Variants in EYA2 observed in about 807,000 individuals in gnomAD.
The protein encoded by EYA2 is EYA transcriptional coactivator and phosphatase 2, also known as protein phosphatase EYA2.
Under a neutral mutation model 69.2 loss-of-function variants are expected in EYA2, and 31 were observed. That is an observed-to-expected ratio of 0.45 (90% confidence interval 0.34 to 0.60). EYA2 has a LOEUF of 0.60. EYA2 is among the 20% of genes least tolerant of loss of function. EYA2 has a pLI of 0.02. For missense variants in EYA2, 622 were observed against 701.2 expected, an observed-to-expected ratio of 0.89 and a Z score of 1.28; for synonymous variants, 257 against 279.4, an observed-to-expected ratio of 0.92 and a Z score of 0.80.
At chr20:47,048,279 A>C (rs2030150949) in intron 5 of EYA2, among the ~76,000 whole-genome samples, 1 of 152,122 alleles carries the variant, frequency 6.6e-6, no homozygotes, top group African/African-American at 2.4e-5. Flanking sequence ...GGCCACGTGG[A>C]GAACACATGC....
intron 10 of EYA2, among the ~76,000 whole-genome samples, chr20:47,147,825 G>A (rs535409234): frequency 2.0e-5 from 3 of 152,280 alleles, no homozygotes; most frequent in South Asian, 2.1e-4. Flanking sequence ...TTGGGAGGCC[G>A]AGGCGGGTGG....
chr20:47,176,119 A>C, intron 12 of EYA2, among the ~76,000 whole-genome samples: 1 of 132,252 alleles, frequency 7.6e-6, no homozygotes. Context: ...TTGCTCTGTC[A>C]CCCAGGCTGG....
At chr20:46,916,485 T>C (rs1984911900) in intron 1 of EYA2, among the ~76,000 whole-genome samples, 1 of 152,002 alleles carries the variant, frequency 6.6e-6, no homozygotes, top group African/African-American at 2.4e-5. Context: ...AGTATGAAGG[T>C]ATTATGTGTG....
At chr20:47,174,609 C>T (rs2034392625) in intron 12 of EYA2, among the ~76,000 whole-genome samples, 1 of 152,240 alleles carries the variant, frequency 6.6e-6, no homozygotes, top group South Asian at 2.1e-4. Flanking sequence ...GCTAATGCAG[C>T]CCACGTGCTA....
intron 9 of EYA2, among the ~76,000 whole-genome samples, chr20:47,111,352 T>C (rs537097888): frequency 1.9e-4 from 29 of 152,290 alleles, no homozygotes; most frequent in African/African-American, 6.3e-4. Flanking sequence ...CATAAAACAA[T>C]AAGCATTTAT....
intron 1 of EYA2, among the ~76,000 whole-genome samples, chr20:46,953,771 G>A (rs932922434): frequency 8.5e-5 from 13 of 152,160 alleles, no homozygotes; most frequent in Non-Finnish European, 8.8e-5. Flanking sequence ...ATCATGGGTG[G>A]CATTTTTCTT....
chr20:47,143,887 G>C (rs1444569734), intron 10 of EYA2, among the ~76,000 whole-genome samples: 1 of 152,162 alleles, frequency 6.6e-6, no homozygotes, highest in East Asian at 1.9e-4. Flanking sequence ...AGTTCAGAGT[G>C]TATCACTTCC....
At chr20:47,083,693 C>T (rs2146494681) in intron 7 of EYA2, among the ~76,000 whole-genome samples, 1 of 151,478 alleles carries the variant, frequency 6.6e-6, no homozygotes, top group Admixed American at 6.6e-5. Flanking sequence ...TAATCTTCTA[C>T]AAGAAAACAT....
chr20:47,012,740 C>A (rs1249321132), intron 4 of EYA2, among the ~76,000 whole-genome samples: 1 of 152,188 alleles, frequency 6.6e-6, no homozygotes, highest in Non-Finnish European at 1.5e-5. Flanking sequence ...GTGATCCACC[C>A]ACCTCAGCCT....
chr20:47,015,668 CTGG>C (rs2146369200), intron 4 of EYA2, among the ~76,000 whole-genome samples: 1 of 152,256 alleles, frequency 6.6e-6, no homozygotes, highest in East Asian at 1.9e-4. Flanking sequence ...TAGCATGAAG[CTGG>C]TGGCATGTAC....
chr20:46,973,157 G>T (rs1281485309), intron 1 of EYA2, among the ~76,000 whole-genome samples: 2 of 152,172 alleles, frequency 1.3e-5, no homozygotes, highest in African/African-American at 2.4e-5. Context: ...GAGCATTGCT[G>T]CCCTCCCCCA....
At chr20:47,172,900 G>A (rs2034354100) in intron 12 of EYA2, 33 bp downstream of exon 12, 5 of 1,581,474 alleles carry the variant, frequency 3.2e-6, no homozygotes, top group Non-Finnish European at 4.3e-6. Flanking sequence ...CTCCGAGGAA[G>A]GGAAACTCAT....
At chr20:47,029,103 A>G (rs760601989) in intron 5 of EYA2, among the ~76,000 whole-genome samples, 11 of 152,306 alleles carry the variant, frequency 7.2e-5, no homozygotes, top group Admixed American at 3.9e-4. Context: ...TGTGTTCTCT[A>G]TCATGACCAT....
chr20:47,039,159 T>C (rs1317238732), intron 5 of EYA2, among the ~76,000 whole-genome samples: 4 of 150,792 alleles, frequency 2.7e-5, no homozygotes, highest in African/African-American at 4.9e-5. Context: ...AATGTGAGTT[T>C]CTAACTATTT....
chr20:46,957,098 C>T (rs1258608121), intron 1 of EYA2, among the ~76,000 whole-genome samples: 3 of 152,188 alleles, frequency 2.0e-5, no homozygotes, highest in Non-Finnish European at 4.4e-5. Flanking sequence ...TGAGGTAAAG[C>T]AGTTACAACA....
chr20:47,006,766 CA>C (rs1162716483), intron 4 of EYA2, among the ~76,000 whole-genome samples: 2 of 152,228 alleles, frequency 1.3e-5, no homozygotes, highest in East Asian at 3.9e-4. Context: ...GTTTTGGTAT[CA>C]GGGGTCAGTG....
intron 5 of EYA2, among the ~76,000 whole-genome samples, chr20:47,035,853 A>G (rs561829732): frequency 6.6e-6 from 1 of 152,000 alleles, no homozygotes; most frequent in South Asian, 2.1e-4. Flanking sequence ...GAAAAAAAAA[A>G]AGAAAAAGGG....
At chr20:47,113,163 G>A (rs777938707) in intron 9 of EYA2, among the ~76,000 whole-genome samples, 4 of 151,978 alleles carry the variant, frequency 2.6e-5, no homozygotes, top group East Asian at 1.9e-4. Context: ...GTGAGCCACC[G>A]CAACTGGCAG....
intron 10 of EYA2, among the ~76,000 whole-genome samples, chr20:47,146,129 G>T (rs1159443096): frequency 6.6e-6 from 1 of 152,160 alleles, no homozygotes; most frequent in Non-Finnish European, 1.5e-5. Flanking sequence ...AGGATGTGTT[G>T]TCCTTCACTG....
Sources: allele counts gnomAD v4.1 joint callset (sites outside exome capture counted in the v4.1 genomes callset), GRCh38; gene constraint gnomAD v4.1.1; transcripts MANE v1.5; gene names NCBI Gene and HGNC (gene_info 2026-07-23, HGNC 2026-07-21).